Variants in USP13 observed in about 807,000 individuals in gnomAD.
The protein encoded by USP13 is ubiquitin carboxyl-terminal hydrolase 13.
USP13 carries 68 observed loss-of-function variants against 107.8 expected under a neutral mutation model. The ratio of observed to expected loss-of-function variants is 0.63; its 90% CI spans 0.52 to 0.77. The LOEUF is 0.77. Among genes scored for constraint, USP13 ranks in the 30% least tolerant of loss-of-function variants. The pLI, the probability that USP13 is intolerant of heterozygous loss-of-function variation, is 0.00. For missense variants in USP13, 945 were observed against 1,093.3 expected, an observed-to-expected ratio of 0.86 and a Z score of 1.91; for synonymous variants, 377 against 389.5, an observed-to-expected ratio of 0.97 and a Z score of 0.38.
At chr3:179,760,282 G>GTTTT (rs1363561918) in intron 16 of USP13, among the ~76,000 whole-genome samples, 15 of 123,482 alleles carry the variant, frequency 1.2e-4, no homozygotes, top group African/African-American at 2.5e-4. Context: ...GTCTCTTAAT[G>GTTTT]TTTTTTTTTT....
intron 19 of USP13, among the ~76,000 whole-genome samples, chr3:179,776,870 T>TG (rs2108552022): frequency 6.8e-6 from 1 of 148,130 alleles, no homozygotes; most frequent in African/African-American, 2.5e-5. Flanking sequence ...TTTTTTTTTT[T>TG]TTTTTTTTTT....
In USP13 at chr3:179,742,823, A is replaced by C. The variant is rs1276559446; in HGVS notation, c.1534+473A>C. ...CCTCTTCTGGGAGATAAATTGTGTC[A>C]GGGTTCTTTGTAGAAGCAAAGCCCA... On this transcript the variant is annotated intron_variant, in intron 12 of 20. Transcript: ENST00000263966. The surrounding 1 kb of genome is among the most constrained non-coding windows in gnomAD (Gnocchi z 5.0). Among the ~76,000 whole-genome samples, 1 of 152,202 alleles carries C rather than the reference A, an allele frequency of 6.6e-6. No homozygotes were observed. The highest frequency in any genetic ancestry group is 2.4e-5 in the African/African-American group (1 of 41,442).
At chr3:179,772,421 G>A (rs1347764772) in intron 19 of USP13, among the ~76,000 whole-genome samples, 1 of 152,222 alleles carries the variant, frequency 6.6e-6, no homozygotes, top group African/African-American at 2.4e-5. Flanking sequence ...TGGTGTAATG[G>A]TTTAGATGTC....
At chr3:179,727,301 G>A (rs1398764000) in intron 8 of USP13, among the ~76,000 whole-genome samples, 1 of 133,340 alleles carries the variant, frequency 7.5e-6, no homozygotes, top group African/African-American at 2.7e-5. Flanking sequence ...TTCCTAGGCA[G>A]AGGACCCTGC....
chr3:179,693,968 C>G (rs1712198628), intron 3 of USP13, among the ~76,000 whole-genome samples: 1 of 150,092 alleles, frequency 6.7e-6, no homozygotes, highest in Non-Finnish European at 1.5e-5. Flanking sequence ...CGTGAACCAC[C>G]ACACCTGGCC....
chr3:179,776,225 A>G (rs1322078683), intron 19 of USP13, among the ~76,000 whole-genome samples: 5 of 152,136 alleles, frequency 3.3e-5, no homozygotes, highest in African/African-American at 1.2e-4. Context: ...TGTGGGCCAT[A>G]TACATGTCTG....
At chr3:179,762,602 T>C (rs1159804215) in intron 17 of USP13, among the ~76,000 whole-genome samples, 1 of 152,070 alleles carries the variant, frequency 6.6e-6, no homozygotes, top group Non-Finnish European at 1.5e-5. Flanking sequence ...ATAATAACAA[T>C]AATAATAGTC....
intron 15 of USP13, among the ~76,000 whole-genome samples, chr3:179,756,371 A>G (rs1434625914): frequency 6.6e-6 from 1 of 152,140 alleles, no homozygotes; most frequent in Admixed American, 6.6e-5. Flanking sequence ...AGATTGCGCC[A>G]CTGCATTCCA....
chr3:179,676,049 T>C (rs181199297), intron 1 of USP13, among the ~76,000 whole-genome samples: 46 of 152,280 alleles, frequency 3.0e-4, no homozygotes, highest in Admixed American at 2.7e-3. Context: ...CATCCTGTTC[T>C]CGTGATAGTG....
At chr3:179,669,097 T>C (rs114171496) in intron 1 of USP13, among the ~76,000 whole-genome samples, 1,580 of 152,290 alleles carry the variant, frequency 0.01, 22 homozygotes, top group Middle Eastern at 0.017. Flanking sequence ...TTAGGAGTTG[T>C]CCTCACTTCC....
chr3:179,788,759 A>C lies in USP13; in HGVS notation c.*4618A>C, dbSNP rs953439937. 6.6e-6 allele frequency: 1 copy of C among 152,142 alleles called. No individual in the cohort carries two copies. The highest frequency in any genetic ancestry group is 2.1e-4 in the South Asian group (1 of 4,822). The allele number at this position is 152,142 out of a possible 1,614,324, so 9.4% of individuals were successfully genotyped here. On this transcript the variant is annotated 3_prime_UTR_variant, in exon 21 of 21. Coordinates refer to ENST00000263966, the MANE Select transcript of USP13 (RefSeq NM_003940.3). ...TTGGACAGCCCCACTCTAGACTTAC[A>C]TGGTGTGGGGTAGGCAGTGAAATCC...
At chr3:179,702,035 T>G (rs1256375907) in intron 4 of USP13, among the ~76,000 whole-genome samples, 1 of 152,186 alleles carries the variant, frequency 6.6e-6, no homozygotes, top group African/African-American at 2.4e-5. Flanking sequence ...TTTTTTCTTT[T>G]TTGAGACGGA....
chr3:179,658,005 G>A (rs1720329633), intron 1 of USP13, among the ~76,000 whole-genome samples: 1 of 152,032 alleles, frequency 6.6e-6, no homozygotes, highest in African/African-American at 2.4e-5. Flanking sequence ...CAGTTTCCAG[G>A]TGGTCAGTTC....
chr3:179,688,147 ATCCG>A (rs1292513878), intron 2 of USP13, among the ~76,000 whole-genome samples: 1 of 146,790 alleles, frequency 6.8e-6, no homozygotes. Flanking sequence ...CCATCCATCC[ATCCG>A]TATATCCATC....
rs1202667135 is a variant in USP13 at position 179,786,079 on chromosome 3, A to G, written c.*1938A>G. 1 of 152,188 alleles carries G rather than the reference A, an allele frequency of 6.6e-6. No individual in the cohort carries two copies. Among genetic ancestry groups the G allele is most frequent in the African/African-American group, 2.4e-5 (1 of 41,436 alleles). 9.4% of individuals were successfully genotyped at this position (152,188 alleles called of 1,614,324 possible). ...GCTCACGGTGCAGTACTTTTCTACC[A>G]AAGTGTGCCCACTGGTGTCACCTCC... On this transcript the variant is annotated 3_prime_UTR_variant, in exon 21 of 21. Coordinates refer to ENST00000263966, the MANE Select transcript of USP13 (RefSeq NM_003940.3).
chr3:179,784,657 T>A lies in USP13; in HGVS notation c.*516T>A, dbSNP rs1715864698. On this transcript the variant is annotated 3_prime_UTR_variant, in exon 21 of 21. Coordinates refer to ENST00000263966, the MANE Select transcript of USP13 (RefSeq NM_003940.3). ...AATTTCTGATGTATCCATGTAGATA[T>A]TATGCTCTGTCCATAATAGAGCCTC... 6.5e-6 allele frequency: 1 copy of A among 153,534 alleles called. No individual in the cohort carries two copies. The highest frequency in any genetic ancestry group is 1.5e-5 in the Non-Finnish European group (1 of 68,930). The allele number at this position is 153,534 out of a possible 1,614,324, so 9.5% of individuals were successfully genotyped here. A position where few individuals can be genotyped will look rare whatever the true frequency, so the allele number is the denominator to read the frequency against.
At chr3:179,762,480 C>G (rs1482433904) in intron 17 of USP13, among the ~76,000 whole-genome samples, 1 of 152,122 alleles carries the variant, frequency 6.6e-6, no homozygotes, top group East Asian at 1.9e-4. Context: ...ACTTGGGAGA[C>G]TGAGGCAGGA....
At chr3:179,775,571 C>T (rs551756987) in intron 19 of USP13, among the ~76,000 whole-genome samples, 11 of 152,312 alleles carry the variant, frequency 7.2e-5, no homozygotes, top group South Asian at 6.2e-4. Flanking sequence ...GAGCAGGGGG[C>T]GGTGCCCCTC....
intron 2 of USP13, among the ~76,000 whole-genome samples, chr3:179,688,170 T>TTC (rs1711955770): frequency 2.7e-5 from 2 of 75,088 alleles, no homozygotes; most frequent in African/African-American, 9.8e-5. Context: ...TCCATCCGTA[T>TTC]ATCCATCCAT....
Sources: gnomAD v4.1 joint callset for allele counts (sites outside exome capture counted in the v4.1 genomes callset) on GRCh38, gnomAD v4.1.1 for gene constraint, Gnocchi (gnomAD v3.1) non-coding constraint, MANE v1.5 for transcripts, NCBI Gene and HGNC (gene_info 2026-07-23, HGNC 2026-07-21) for gene names.